Variants in KRABD3 observed in about 807,000 individuals in gnomAD.
KRABD3 encodes KRAB domain containing 3.
the KRABD3 span, among the ~76,000 whole-genome samples, chr7:149,726,462 A>G: frequency 1.4e-5 from 2 of 146,256 alleles, no homozygotes; most frequent in African/African-American, 5.1e-5. Flanking sequence ...TTTTGAGACG[A>G]GTCTAACTCC....
At chr7:149,722,583 G>A in the KRABD3 span, 3 of 1,598,532 alleles carry the variant, frequency 1.9e-6, no homozygotes, top group Non-Finnish European at 2.6e-6. Context: ...TAGTGGGGTA[G>A]CGATGGGGAA....
At chr7:149,717,025 C>T in the KRABD3 span, among the ~76,000 whole-genome samples, 1 of 152,250 alleles carries the variant, frequency 6.6e-6, no homozygotes, top group Middle Eastern at 3.4e-3. Flanking sequence ...AGCCTGGCTC[C>T]TGAGGCTAGG....
the KRABD3 span, chr7:149,720,141 C>T: frequency 6.4e-7 from 1 of 1,551,072 alleles, no homozygotes; most frequent in Non-Finnish European, 8.7e-7. Flanking sequence ...AGTTATCTGT[C>T]AGACTTTGGG....
chr7:149,732,801 C>T, the KRABD3 span, among the ~76,000 whole-genome samples: 6 of 151,918 alleles, frequency 3.9e-5, no homozygotes, highest in Non-Finnish European at 8.8e-5. The surrounding 1 kb of genome is among the most constrained non-coding windows in gnomAD (Gnocchi z 4.0). Context: ...CCCTCCTGGC[C>T]CATCTCCTGG....
chr7:149,726,600 G>A, the KRABD3 span, among the ~76,000 whole-genome samples: 1 of 151,970 alleles, frequency 6.6e-6, no homozygotes, highest in African/African-American at 2.4e-5. Context: ...ACCGTGCCCA[G>A]CTAATCTTTG....
chr7:149,720,026 C>G, the KRABD3 span: 1 of 1,549,328 alleles, frequency 6.5e-7, no homozygotes, highest in African/African-American at 1.4e-5. Flanking sequence ...GAGCTGCTCC[C>G]CCTCTCTGCT....
the KRABD3 span, chr7:149,729,131 T>C: frequency 5.2e-6 from 7 of 1,343,986 alleles, no homozygotes; most frequent in Non-Finnish European, 6.9e-6. Context: ...TCCCTTCTTC[T>C]GTGGCAGCAC....
chr7:149,728,643 C>T, the KRABD3 span: 2 of 1,613,474 alleles, frequency 1.2e-6, no homozygotes, highest in African/African-American at 2.7e-5. Flanking sequence ...CCGAGGAGAG[C>T]AGAGCCCAGG....
chr7:149,716,218 G>A, the KRABD3 span, among the ~76,000 whole-genome samples: 1 of 152,192 alleles, frequency 6.6e-6, no homozygotes, highest in African/African-American at 2.4e-5. Context: ...TGTGAGAGAG[G>A]GGCAGGTCCA....
the KRABD3 span, chr7:149,724,899 G>A: frequency 6.9e-7 from 1 of 1,442,718 alleles, no homozygotes; most frequent in Non-Finnish European, 9.2e-7. Flanking sequence ...GGGCTTGTCA[G>A]TCCCTGGCAA....
At chr7:149,717,730 GTGTGAC>G in the KRABD3 span, among the ~76,000 whole-genome samples, 3 of 152,224 alleles carry the variant, frequency 2.0e-5, no homozygotes, top group Admixed American at 6.5e-5. Context: ...GCACTGGTAA[GTGTGAC>G]TGCATGGGAC....
chr7:149,722,772 A>C, the KRABD3 span: 1 of 1,592,366 alleles, frequency 6.3e-7, no homozygotes, highest in Non-Finnish European at 8.6e-7. Flanking sequence ...CCCACCTTGC[A>C]TGTGCCACAG....
At chr7:149,716,245 C>T in the KRABD3 span, among the ~76,000 whole-genome samples, 1 of 152,304 alleles carries the variant, frequency 6.6e-6, no homozygotes, top group East Asian at 1.9e-4. Context: ...ACTGAAGCTG[C>T]AGTTTTTGTG....
chr7:149,729,907 C>T, the KRABD3 span: 1 of 1,265,864 alleles, frequency 7.9e-7, no homozygotes, highest in Non-Finnish European at 9.9e-7. Flanking sequence ...CTTCCAAGGA[C>T]TGGAGACTTC....
At chr7:149,723,853 C>T in the KRABD3 span, 1 of 1,613,676 alleles carries the variant, frequency 6.2e-7, no homozygotes, top group Non-Finnish European at 8.5e-7. Flanking sequence ...CCGACGGCTA[C>T]AGGAGAATCC....
the KRABD3 span, among the ~76,000 whole-genome samples, chr7:149,732,488 T>C: frequency 2.2e-4 from 34 of 152,276 alleles, no homozygotes; most frequent in African/African-American, 7.9e-4. This position sits in a 1 kb window ranked among gnomAD's most constrained non-coding sequence, Gnocchi z 4.0. Context: ...GAAGAAACCA[T>C]CTCTGCGCCC....
At chr7:149,716,593 C>G in the KRABD3 span, among the ~76,000 whole-genome samples, 1 of 152,218 alleles carries the variant, frequency 6.6e-6, no homozygotes, top group Admixed American at 6.5e-5. Context: ...CAGTCAGTTC[C>G]CATTCTCATT....
the KRABD3 span, chr7:149,728,707 AC>A: frequency 2.6e-5 from 41 of 1,607,688 alleles, no homozygotes; most frequent in Middle Eastern, 1.7e-4. Flanking sequence ...CTGGGTGTAG[AC>A]AGGGCTGCTC....
chr7:149,724,584 G>A, the KRABD3 span: 385 of 1,215,334 alleles, frequency 3.2e-4, 1 homozygote, highest in East Asian at 9.9e-3. Context: ...ACCCTATAAA[G>A]GCCTCAAGGG....
Sources: allele counts gnomAD v4.1 joint callset (sites outside exome capture counted in the v4.1 genomes callset), GRCh38; gene constraint gnomAD v4.1.1; non-coding constraint Gnocchi (gnomAD v3.1); transcripts MANE v1.5; gene names NCBI Gene and HGNC (gene_info 2026-07-23, HGNC 2026-07-21).